CLDN14: variants seen among roughly 807,000 people sequenced by gnomAD.
CLDN14 encodes claudin-14.
CLDN14 carries 2 observed loss-of-function variants against 2.1 expected under a neutral mutation model. That is an observed-to-expected ratio of 0.96 (90% CI 0.39 to 3.01). CLDN14 has a LOEUF of 3.01. Among genes scored for constraint, CLDN14 ranks in the 30% most tolerant of loss-of-function variants. The pLI is 0.09. For missense variants in CLDN14, 298 were observed against 328.0 expected (o/e 0.91, Z 0.71); for synonymous variants, 136 against 154.4 (o/e 0.88, Z 0.88).
intron 1 of CLDN14, among the ~76,000 whole-genome samples, chr21:36,552,366 A>G (rs2087568863): frequency 6.6e-6 from 1 of 152,244 alleles, no homozygotes; most frequent in African/African-American, 2.4e-5. Context: ...TCCTGTGCTC[A>G]GTATAAGATG....
intron 2 of CLDN14, among the ~76,000 whole-genome samples, chr21:36,490,969 C>CAA (rs1000675434): frequency 6.6e-6 from 1 of 151,890 alleles, no homozygotes; most frequent in African/African-American, 2.4e-5. Context: ...CACACACACA[C>CAA]ACACACACAC....
At position 36,461,624 on chromosome 21, in the gene CLDN14, G is replaced by A. The variant is rs549639383; in HGVS notation, c.72C>T (p.Thr24=). 8.2e-6 allele frequency: 13 copies of A among 1,592,804 alleles called. No homozygotes were observed. In the South Asian group the frequency reaches 1.5e-4, roughly 18 times the overall value. ...TCCTCCGCCAGTGCGGCAGGATGGTGGTGATCAACGTGCCCACCATGCCCA... is the reference window on the plus strand; with the variant it reads ...TCCTCCGCCAGTGCGGCAGGATGGTAGTGATCAACGTGCCCACCATGCCCA... ...SFLGMVGTLI[T]TILPHWRRTA... is the part of the protein sequence containing the mutation. The change falls in exon 2 of 2, where the codon ACC becomes ACT. Residue 24 remains threonine, a synonymous_variant. Coordinates refer to ENST00000399135, the MANE Select transcript of CLDN14 (RefSeq NM_001146079.2).
intron 1 of CLDN14, among the ~76,000 whole-genome samples, chr21:36,540,804 G>A (rs1463349756): frequency 6.6e-6 from 1 of 152,230 alleles, no homozygotes; most frequent in Non-Finnish European, 1.5e-5. Flanking sequence ...TCTAAGGGAA[G>A]AGGAGGCCAC....
intron 1 of CLDN14, among the ~76,000 whole-genome samples, chr21:36,475,260 C>T (rs1020146075): frequency 1.3e-5 from 2 of 152,202 alleles, no homozygotes; most frequent in Non-Finnish European, 2.9e-5. Flanking sequence ...GGGAAATATG[C>T]GTGCACACAA....
At chr21:36,482,489 C>G (rs1385698811), upstream of CLDN14, among the ~76,000 whole-genome samples, 1 of 151,968 alleles carries the variant, frequency 6.6e-6, no homozygotes, top group Non-Finnish European at 1.5e-5. Flanking sequence ...ATTCTGATCT[C>G]AACTGGTCTT....
intron 1 of CLDN14, among the ~76,000 whole-genome samples, chr21:36,555,208 G>A (rs1039065322): frequency 2.0e-5 from 3 of 152,224 alleles, no homozygotes; most frequent in Non-Finnish European, 1.5e-5. Context: ...TGCTTTTCTA[G>A]TATTTGGAGT....
chr21:36,572,859 T>C (rs1289175933), intron 1 of CLDN14, among the ~76,000 whole-genome samples: 1 of 152,204 alleles, frequency 6.6e-6, no homozygotes, highest in Admixed American at 6.5e-5. Context: ...TGGTATATAG[T>C]AGATGCCTCC....
intron 1 of CLDN14, among the ~76,000 whole-genome samples, chr21:36,546,149 G>T (rs2087524659): frequency 6.6e-6 from 1 of 152,160 alleles, no homozygotes; most frequent in Admixed American, 6.5e-5. Context: ...CTGCATATGG[G>T]CATGCATTAT....
At chr21:36,464,533 A>G (rs1040834582) in intron 1 of CLDN14, among the ~76,000 whole-genome samples, 1 of 152,200 alleles carries the variant, frequency 6.6e-6, no homozygotes, top group East Asian at 1.9e-4. Flanking sequence ...TAGGGACGCC[A>G]TCACAGTCCC....
intron 1 of CLDN14, among the ~76,000 whole-genome samples, chr21:36,477,140 G>A (rs933673202): frequency 9.2e-5 from 14 of 152,208 alleles, no homozygotes; most frequent in Admixed American, 5.9e-4. Context: ...TCAAGATGGC[G>A]TCTGCAGAAC....
intron 1 of CLDN14, among the ~76,000 whole-genome samples, chr21:36,530,441 C>T (rs1054441726): frequency 1.3e-5 from 2 of 152,272 alleles, no homozygotes; most frequent in African/African-American, 4.8e-5. Context: ...CATGCCCCAC[C>T]TCAGGCAGGT....
chr21:36,517,049 A>T (rs976964594), intron 1 of CLDN14, among the ~76,000 whole-genome samples: 2 of 152,148 alleles, frequency 1.3e-5, no homozygotes, highest in African/African-American at 4.8e-5. Context: ...CAAGTTGGCC[A>T]GGCTGGTCTC....
At chr21:36,497,278 G>A (rs1382205701) in intron 2 of CLDN14, among the ~76,000 whole-genome samples, 1 of 8,686 alleles carries the variant, frequency 1.2e-4, no homozygotes, top group African/African-American at 4.2e-4. Flanking sequence ...AGGAAGGAAG[G>A]GAGGGAGGGA....
Position 36,461,290 on chromosome 21 carries a change from C to G in CLDN14, c.406G>C (p.Val136Leu), listed in dbSNP as rs140918123. 2 of 1,613,654 alleles carry G rather than the reference C, an allele frequency of 1.2e-6. No individual in the cohort carries two copies. The highest frequency in any genetic ancestry group is 2.7e-5 in the African/African-American group (2 of 74,942). The change falls in exon 2 of 2, where the codon GTC becomes CTC. Residue 136 changes from valine (V) to leucine (L), a missense_variant. Physicochemically the swap from Val to Leu is conservative, Grantham distance 32 (BLOSUM62 1). Transcript: ENST00000399135. ...ILAGLLCMVAVSWTTNDVVQN... is the reference protein window; with the variant it reads ...ILAGLLCMVALSWTTNDVVQN... The stretch of plus-strand genomic sequence containing the variant: ...ACCACGTCGTTGGTGGTCCAGGAGA[C>G]GGCCACCATGCACAGGAGGCCGGCC...
intron 1 of CLDN14, among the ~76,000 whole-genome samples, chr21:36,565,938 C>T (rs1236267204): frequency 6.6e-6 from 1 of 152,198 alleles, no homozygotes; most frequent in Admixed American, 6.5e-5. Flanking sequence ...CCAGATGGTA[C>T]TTTCTATAAA....
At chr21:36,525,221 C>T (rs145733313) in intron 1 of CLDN14, among the ~76,000 whole-genome samples, 141 of 152,114 alleles carry the variant, frequency 9.3e-4, no homozygotes, top group African/African-American at 3.3e-3. Context: ...TGCGTGGTCT[C>T]GTGTGCAGCC....
At chr21:36,515,622 G>A (rs1238044644) in intron 1 of CLDN14, among the ~76,000 whole-genome samples, 2 of 143,818 alleles carry the variant, frequency 1.4e-5, no homozygotes, top group Non-Finnish European at 3.0e-5. Context: ...GTAGTGAGCC[G>A]AGATCACACC....
In CLDN14 at chr21:36,553,991, T is replaced by C. The variant is rs368624608; in HGVS notation, c.-220+22420A>G. Among the ~76,000 whole-genome samples, 7 of 152,270 alleles carry C rather than the reference T, an allele frequency of 4.6e-5. No individual in the cohort carries two copies. The East Asian group carries it at 5.8e-4, about 13-fold the overall frequency. On this transcript the variant is annotated intron_variant, in intron 1 of 2. Transcript: ENST00000342108. Reference sequence around the variant, plus strand: ...CCTGGAGGTGGCCTTCAATTGTCTCTAGAGAGCATGTACCCCCTTTCCCTA... The same window carrying C: ...CCTGGAGGTGGCCTTCAATTGTCTCCAGAGAGCATGTACCCCCTTTCCCTA...
upstream of CLDN14, among the ~76,000 whole-genome samples, chr21:36,482,776 G>T (rs1489323164): frequency 6.6e-6 from 1 of 152,086 alleles, no homozygotes; most frequent in East Asian, 1.9e-4. Flanking sequence ...CATATCCTGT[G>T]AAAGTCACGA....
Sources: gnomAD v4.1 joint callset for allele counts (sites outside exome capture counted in the v4.1 genomes callset) on GRCh38, gnomAD v4.1.1 for gene constraint, MANE v1.5 for transcripts, NCBI Gene and HGNC (gene_info 2026-07-23, HGNC 2026-07-21) for gene names.